The following TNRC6A variants were observed in gnomAD, a reference collection of about 807,000 sequenced individuals.
TNRC6A encodes the protein trinucleotide repeat-containing gene 6A protein.
A neutral mutation model predicts 221.2 loss-of-function variants in TNRC6A; 44 were observed. That is an observed-to-expected ratio of 0.20 (90% confidence interval 0.16 to 0.26). The LOEUF (loss-of-function observed/expected upper bound fraction) is 0.26. TNRC6A is among the 10% of genes least tolerant of loss of function. The pLI, the probability that TNRC6A is intolerant of heterozygous loss-of-function variation, is 1.00. For missense variants in TNRC6A, 2,199 were observed against 2,404.4 expected (o/e 0.91, Z 1.79); for synonymous variants, 847 against 838.5 (o/e 1.01, Z -0.18).
intron 2 of TNRC6A, among the ~76,000 whole-genome samples, chr16:24,708,255 T>TC (rs1364809109): frequency 6.6e-6 from 1 of 151,520 alleles, no homozygotes; most frequent in Non-Finnish European, 1.5e-5. Flanking sequence ...TTTTTTTTTT[T>TC]TTTGAGACGG....
chr16:24,756,471 C>T (rs2057253761), intron 3 of TNRC6A, among the ~76,000 whole-genome samples: 1 of 152,118 alleles, frequency 6.6e-6, no homozygotes, highest in African/African-American at 2.4e-5. Context: ...ACTTTCATTC[C>T]TTGTATACAT....
chr16:24,761,957 T>G (rs1450170502), intron 4 of TNRC6A, among the ~76,000 whole-genome samples: 1 of 152,208 alleles, frequency 6.6e-6, no homozygotes, highest in African/African-American at 2.4e-5. Flanking sequence ...TCTCTTCCCC[T>G]TCTTGTCTCA....
chr16:24,679,121 C>T (rs2055479320), intron 2 of TNRC6A, among the ~76,000 whole-genome samples: 1 of 151,694 alleles, frequency 6.6e-6, no homozygotes, highest in South Asian at 2.1e-4. Flanking sequence ...GCCTCAGCCT[C>T]CCGAGTAGCT....
At chr16:24,777,757 C>G (rs1028819369) in intron 5 of TNRC6A, among the ~76,000 whole-genome samples, 2 of 152,116 alleles carry the variant, frequency 1.3e-5, no homozygotes, top group Non-Finnish European at 2.9e-5. Flanking sequence ...AGCTGACATA[C>G]CAAGATGTTA....
At chr16:24,657,120 C>T (rs1291254105) in intron 2 of TNRC6A, among the ~76,000 whole-genome samples, 1 of 151,602 alleles carries the variant, frequency 6.6e-6, no homozygotes, top group African/African-American at 2.4e-5. Context: ...GGAGAACGGC[C>T]TGGGAGACAT....
intron 4 of TNRC6A, among the ~76,000 whole-genome samples, chr16:24,772,960 CTATT>C (rs2057643237): frequency 6.6e-6 from 1 of 152,192 alleles, no homozygotes; most frequent in South Asian, 2.1e-4. Flanking sequence ...GCTTTTCAAA[CTATT>C]TATAGATTTG....
intron 1 of TNRC6A, among the ~76,000 whole-genome samples, chr16:24,636,010 A>G (rs1404670751): frequency 6.6e-6 from 1 of 152,188 alleles, no homozygotes; most frequent in Non-Finnish European, 1.5e-5. Flanking sequence ...ATCCAAGTGC[A>G]TTGGATTTGG....
intron 4 of TNRC6A, chr16:24,776,373 T>C (rs531118481): frequency 3.0e-4 from 299 of 985,318 alleles, no homozygotes; most frequent in Admixed American, 7.4e-4. Flanking sequence ...GTTTGTCTTA[T>C]ATGATTCAGA....
intron 4 of TNRC6A, among the ~76,000 whole-genome samples, chr16:24,761,208 G>A (rs1033575642): frequency 2.6e-5 from 4 of 152,096 alleles, no homozygotes; most frequent in Non-Finnish European, 2.9e-5. Context: ...TTAATCTTAC[G>A]GGACAACATA....
At chr16:24,610,794 A>C (rs1900012443) in intron 1 of TNRC6A, among the ~76,000 whole-genome samples, 5 of 144,194 alleles carry the variant, frequency 3.5e-5, no homozygotes, top group South Asian at 4.6e-4. Context: ...CCCCCTTTCC[A>C]CCCCCTGCCC....
chr16:24,761,369 G>T (rs907345316), intron 4 of TNRC6A, among the ~76,000 whole-genome samples: 1 of 152,144 alleles, frequency 6.6e-6, no homozygotes, highest in Non-Finnish European at 1.5e-5. Context: ...GAAACAGCAG[G>T]AGAGTGAAGT....
At chr16:24,644,187 C>A (rs1033469578) in intron 2 of TNRC6A, among the ~76,000 whole-genome samples, 1 of 136,992 alleles carries the variant, frequency 7.3e-6, no homozygotes, top group Admixed American at 8.2e-5. Context: ...TCCGGATTCA[C>A]GCCATTCTCC....
At chr16:24,797,406 T>C in intron 9 of TNRC6A, 84 bp from the exon 10 acceptor site, 1 of 941,578 alleles carries the variant, frequency 1.1e-6, no homozygotes, top group Non-Finnish European at 1.6e-6. Flanking sequence ...AATTGGGGAT[T>C]GTCTTAAGTT....
At chr16:24,729,988 G>T in intron 1 of TNRC6A, 142 bp downstream of exon 1, 2 of 803,812 alleles carry the variant, frequency 2.5e-6, no homozygotes, top group Non-Finnish European at 3.2e-6. Context: ...CGCAGGCTGC[G>T]TTGCTGCGGA....
chr16:24,703,142 T>G (rs1297364111), intron 2 of TNRC6A, among the ~76,000 whole-genome samples: 1 of 152,196 alleles, frequency 6.6e-6, no homozygotes, highest in African/African-American at 2.4e-5. Context: ...CAATCAATTT[T>G]AGAATATTTT....
At chr16:24,750,680 T>C in intron 2 of TNRC6A, 46 bp from the exon 3 acceptor site, 1 of 1,481,154 alleles carries the variant, frequency 6.8e-7, no homozygotes. Context: ...ATTATTTTTA[T>C]TTCTTAATAC....
At chr16:24,648,289 T>TTTTTTTTTTTTTTTA in intron 2 of TNRC6A, among the ~76,000 whole-genome samples, 2 of 147,444 alleles carry the variant, frequency 1.4e-5, no homozygotes, top group African/African-American at 5.1e-5. Context: ...TTTTTTTTTT[T>TTTTTTTTTTTTTTTA]GAGATGGAGT....
At chr16:24,760,076 G>T (rs903746481) in intron 4 of TNRC6A, among the ~76,000 whole-genome samples, 1 of 152,170 alleles carries the variant, frequency 6.6e-6, no homozygotes, top group African/African-American at 2.4e-5. Flanking sequence ...GACCTAACCA[G>T]CCTGTTTCCC....
chr16:24,686,276 C>A (rs1260572711), intron 2 of TNRC6A, among the ~76,000 whole-genome samples: 1 of 152,144 alleles, frequency 6.6e-6, no homozygotes, highest in Non-Finnish European at 1.5e-5. Flanking sequence ...TAACCACTTC[C>A]CTCACGCGAG....
Sources: allele counts gnomAD v4.1 joint callset (sites outside exome capture counted in the v4.1 genomes callset), GRCh38; gene constraint gnomAD v4.1.1; transcripts MANE v1.5; gene names NCBI Gene and HGNC (gene_info 2026-07-23, HGNC 2026-07-21).